TTC29: variants seen among roughly 807,000 people sequenced by gnomAD.
TTC29 encodes the protein tetratricopeptide repeat domain 29, also known as tetratricopeptide repeat protein 29.
Under a neutral mutation model 58.1 loss-of-function variants are expected in TTC29, and 49 were observed. The observed-to-expected ratio is 0.84, with a 90% CI of 0.67 to 1.07. The LOEUF (loss-of-function observed/expected upper bound fraction) is 1.07. TTC29 is among the 50% of genes least tolerant of loss of function. The pLI is 0.00. For missense variants in TTC29, 582 were observed against 555.6 expected, an observed-to-expected ratio of 1.05 and a Z score of -0.48; for synonymous variants, 209 against 196.8, an observed-to-expected ratio of 1.06 and a Z score of -0.52.
At chr4:146,870,872 C>T (rs1344040992) in intron 7 of TTC29, among the ~76,000 whole-genome samples, 1 of 151,944 alleles carries the variant, frequency 6.6e-6, no homozygotes, top group East Asian at 1.9e-4. Context: ...GAAGAAAAGG[C>T]TAGCCAGGCT....
chr4:146,832,445 G>A (rs991388644), intron 9 of TTC29, among the ~76,000 whole-genome samples: 2 of 152,026 alleles, frequency 1.3e-5, no homozygotes, highest in African/African-American at 2.4e-5. Context: ...ATCCATGACT[G>A]GCTCTGTCTT....
chr4:146,919,463 T>C (rs900707799), intron 4 of TTC29, among the ~76,000 whole-genome samples: 7 of 150,980 alleles, frequency 4.6e-5, no homozygotes, highest in African/African-American at 1.7e-4. Flanking sequence ...AAACAAAAAA[T>C]GAGCTTCATA....
At chr4:146,889,657 C>A (rs1258217994) in intron 6 of TTC29, among the ~76,000 whole-genome samples, 1 of 152,046 alleles carries the variant, frequency 6.6e-6, no homozygotes, top group Non-Finnish European at 1.5e-5. Context: ...AATAAACTGG[C>A]AAATGTTATT....
Position 146,845,219 on chromosome 4 carries a change from G to A in TTC29, c.886-11322C>T, listed in dbSNP as rs115723650. 5.8e-3 allele frequency among the ~76,000 whole-genome samples: 885 copies of A among 152,278 alleles called. 7 individuals carry two copies. Among genetic ancestry groups the A allele is most frequent in the African/African-American group, 0.02 (819 of 41,572 alleles). ...CAGAGAAGCACTGAGAGATGAAACA[G>A]CTGCCTTAGAGTTAAGGCGGTAAAT... On this transcript the variant is annotated intron_variant, in intron 8 of 12. Transcript: ENST00000325106.
At chr4:146,753,614 T>A (rs1305816683) in intron 11 of TTC29, among the ~76,000 whole-genome samples, 1 of 152,230 alleles carries the variant, frequency 6.6e-6, no homozygotes, top group Non-Finnish European at 1.5e-5. Flanking sequence ...CATATGTTTA[T>A]TGTGGCATTA....
intron 11 of TTC29, among the ~76,000 whole-genome samples, chr4:146,798,886 CAAAAAAAAAAAAA>C (rs70958529): frequency 2.2e-4 from 4 of 18,266 alleles, no homozygotes; most frequent in Non-Finnish European, 3.0e-4. Flanking sequence ...GACTCCGTCT[CAAAAAAAAAAAAA>C]AAAAAAAAAA....
chr4:146,789,025 T>G (rs909033968), intron 11 of TTC29, among the ~76,000 whole-genome samples: 4 of 152,166 alleles, frequency 2.6e-5, no homozygotes, highest in Non-Finnish European at 5.9e-5. Context: ...TTGAAGTGCT[T>G]TCCATATTCC....
intron 7 of TTC29, among the ~76,000 whole-genome samples, chr4:146,869,087 G>A (rs989620984): frequency 2.2e-5 from 3 of 138,058 alleles, no homozygotes; most frequent in African/African-American, 8.8e-5. Flanking sequence ...ACAGTCTGTG[G>A]AGCTTTAAGT....
intron 11 of TTC29, among the ~76,000 whole-genome samples, chr4:146,801,978 CAAAAAAAAAAAA>C (rs57486017): frequency 0.1 from 4,066 of 38,938 alleles, 207 homozygotes; most frequent in African/African-American, 0.22. Context: ...GACTCTGTCT[CAAAAAAAAAAAA>C]AAAAAAAAAA....
At chr4:146,807,912 C>CA (rs1409198131) in intron 10 of TTC29, among the ~76,000 whole-genome samples, 3 of 152,092 alleles carry the variant, frequency 2.0e-5, no homozygotes, top group Non-Finnish European at 4.4e-5. Context: ...ATCCTGATAA[C>CA]AAAACCTGGT....
chr4:146,845,235 G>A (rs181223426), intron 8 of TTC29, among the ~76,000 whole-genome samples: 1 of 152,272 alleles, frequency 6.6e-6, no homozygotes, highest in Non-Finnish European at 1.5e-5. Context: ...TTAGAGTTAA[G>A]GCGGTAAATA....
At chr4:146,883,305 C>T (rs1267157765) in intron 6 of TTC29, among the ~76,000 whole-genome samples, 7 of 151,998 alleles carry the variant, frequency 4.6e-5, no homozygotes, top group Non-Finnish European at 8.8e-5. Context: ...GTAGTTGCAA[C>T]GGGTGCGGAA....
intron 11 of TTC29, among the ~76,000 whole-genome samples, chr4:146,724,859 T>A (rs1743654133): frequency 6.6e-6 from 1 of 152,214 alleles, no homozygotes; most frequent in African/African-American, 2.4e-5. Context: ...AAGAAATACA[T>A]GCTTGTTTTT....
chr4:146,822,096 T>G (rs190237656), intron 9 of TTC29, among the ~76,000 whole-genome samples: 1 of 146,092 alleles, frequency 6.8e-6, no homozygotes, highest in East Asian at 2.0e-4. Flanking sequence ...AAGAACATGT[T>G]GCAAGTTCAG....
At chr4:146,907,168 A>T (rs1165855986) in intron 5 of TTC29, among the ~76,000 whole-genome samples, 1 of 152,156 alleles carries the variant, frequency 6.6e-6, no homozygotes, top group African/African-American at 2.4e-5. Context: ...GATTGGAGAA[A>T]CATTTTTACT....
At chr4:146,753,027 C>A (rs1472700487) in intron 11 of TTC29, among the ~76,000 whole-genome samples, 5 of 152,136 alleles carry the variant, frequency 3.3e-5, no homozygotes, top group African/African-American at 1.2e-4. Flanking sequence ...AAAGCAATGG[C>A]AACAAAAGCC....
At chr4:146,766,951 A>T (rs911625559) in intron 11 of TTC29, among the ~76,000 whole-genome samples, 1 of 152,086 alleles carries the variant, frequency 6.6e-6, no homozygotes, top group African/African-American at 2.4e-5. Flanking sequence ...ACAAATTCCA[A>T]TTGGAATTCT....
chr4:146,862,831 A>G (rs1013062034), intron 8 of TTC29, among the ~76,000 whole-genome samples: 2 of 152,064 alleles, frequency 1.3e-5, no homozygotes, highest in Non-Finnish European at 2.9e-5. Context: ...ACAAGAACCA[A>G]CTAAACCTGG....
chr4:146,839,843 T>C (rs530524042), intron 8 of TTC29, among the ~76,000 whole-genome samples: 275 of 152,116 alleles, frequency 1.8e-3, no homozygotes, highest in Middle Eastern at 3.4e-3. Flanking sequence ...GCACTTGTAT[T>C]TCCCTGGCAA....
Sources: gnomAD v4.1 joint callset for allele counts (sites outside exome capture counted in the v4.1 genomes callset) on GRCh38, gnomAD v4.1.1 for gene constraint, MANE v1.5 for transcripts, NCBI Gene and HGNC (gene_info 2026-07-23, HGNC 2026-07-21) for gene names.